Variants in LNX1 observed in about 807,000 individuals in gnomAD.
LNX1 encodes the protein E3 ubiquitin-protein ligase LNX.
Under a neutral mutation model 68.4 loss-of-function variants are expected in LNX1, and 54 were observed. The observed-to-expected ratio is 0.79, with a 90% CI of 0.63 to 0.99. The LOEUF (loss-of-function observed/expected upper bound fraction) is 0.99. LNX1 is among the 50% of genes least tolerant of loss of function. LNX1 has a pLI of 0.00. For synonymous variants in LNX1, 336 were observed against 350.0 expected (o/e 0.96, Z 0.45); for missense variants, 906 against 926.4 (o/e 0.98, Z 0.29).
intron 1 of LNX1, among the ~76,000 whole-genome samples, chr4:53,646,968 G>T (rs1734909927): frequency 1.3e-5 from 2 of 152,226 alleles, no homozygotes; most frequent in African/African-American, 4.8e-5. Context: ...AGCTGTAAAA[G>T]GCAGGAAGTG....
intron 2 of LNX1, among the ~76,000 whole-genome samples, chr4:53,544,940 T>A (rs1560656915): frequency 6.6e-6 from 1 of 152,162 alleles, no homozygotes; most frequent in Non-Finnish European, 1.5e-5. Flanking sequence ...CATAATGCAC[T>A]CGACCAGCAC....
chr4:53,554,762 G>A (rs1240062027), intron 2 of LNX1, among the ~76,000 whole-genome samples: 1 of 151,364 alleles, frequency 6.6e-6, no homozygotes, highest in African/African-American at 2.4e-5. Flanking sequence ...TGAGGCAGGA[G>A]AATCACTTAA....
At chr4:53,636,456 G>T (rs1734483165) in intron 1 of LNX1, among the ~76,000 whole-genome samples, 1 of 152,024 alleles carries the variant, frequency 6.6e-6, no homozygotes, top group Non-Finnish European at 1.5e-5. Flanking sequence ...TTGTCCCTCA[G>T]AGTAGAAAAA....
upstream of LNX1, among the ~76,000 whole-genome samples, chr4:53,618,153 A>G (rs1382024538): frequency 6.6e-6 from 1 of 152,172 alleles, no homozygotes; most frequent in Non-Finnish European, 1.5e-5. Flanking sequence ...TACTTTGCCT[A>G]CCAAATAAAT....
At chr4:53,468,980 C>G (rs867377070) in intron 9 of LNX1, among the ~76,000 whole-genome samples, 1 of 152,152 alleles carries the variant, frequency 6.6e-6, no homozygotes, top group African/African-American at 2.4e-5. Context: ...CAGCTCTGCA[C>G]CAAGCAGACC....
chr4:53,638,020 C>T (rs191301024), intron 1 of LNX1, among the ~76,000 whole-genome samples: 99 of 152,276 alleles, frequency 6.5e-4, no homozygotes, highest in Non-Finnish European at 3.5e-4. Flanking sequence ...ATGGCAGCCA[C>T]GATGGTGGCA....
Position 53,460,742 on chromosome 4 carries a change from C to A in LNX1, c.*165G>T. 1 of 647,630 alleles carries A rather than the reference C, an allele frequency of 1.5e-6. No individual in the cohort carries two copies. The highest frequency in any genetic ancestry group is 2.4e-5 in the South Asian group (1 of 42,444). 40.1% of individuals were successfully genotyped at this position (647,630 alleles called of 1,614,324 possible). ...CTAGTAGTTTTAATTTTTTTGGAAT[C>A]ATATTTTCTGAGGTGTAACTGGCTT... On this transcript the variant is annotated 3_prime_UTR_variant, in exon 11 of 11. Transcript: ENST00000263925.
Position 53,557,250 on chromosome 4 carries a change from A to T in LNX1, c.380+16373T>A, listed in dbSNP as rs746312215. On this transcript the variant is annotated intron_variant, in intron 2 of 10. Coordinates refer to ENST00000263925, the MANE Select transcript of LNX1 (RefSeq NM_001126328.3). ...GGGGTGATATGTCATGATGGCTACAATTTGCTCCAGACCATTGCAGCAAGA... is the reference window on the plus strand; with the variant it reads ...GGGGTGATATGTCATGATGGCTACATTTTGCTCCAGACCATTGCAGCAAGA... Among the ~76,000 whole-genome samples, 8 of 152,324 alleles carry T rather than the reference A, an allele frequency of 5.3e-5. No homozygotes were observed. The South Asian group carries it at 8.3e-4, about 16-fold the overall frequency.
At chr4:53,589,288 C>T (rs1179006037) in intron 1 of LNX1, among the ~76,000 whole-genome samples, 16 of 152,204 alleles carry the variant, frequency 1.1e-4, no homozygotes, top group African/African-American at 2.4e-4. Flanking sequence ...GTGAGGCTAG[C>T]GGAGACAAAT....
intron 9 of LNX1, among the ~76,000 whole-genome samples, chr4:53,467,365 G>A (rs1319585685): frequency 6.6e-6 from 1 of 151,992 alleles, no homozygotes; most frequent in African/African-American, 2.4e-5. Context: ...AAAGACCAAA[G>A]GTAGATAAAA....
At chr4:53,625,953 A>G (rs1037956199) in intron 1 of LNX1, among the ~76,000 whole-genome samples, 12 of 152,260 alleles carry the variant, frequency 7.9e-5, no homozygotes, top group African/African-American at 2.4e-4. Flanking sequence ...TCATAGCAAC[A>G]TTCTTCACAA....
intron 9 of LNX1, among the ~76,000 whole-genome samples, chr4:53,472,782 T>C (rs1259155752): frequency 2.1e-5 from 3 of 145,290 alleles, no homozygotes; most frequent in African/African-American, 2.5e-5. Flanking sequence ...AAAGCAGATA[T>C]AGAGGCCAAG....
intron 2 of LNX1, among the ~76,000 whole-genome samples, chr4:53,613,346 AT>A (rs201327120): frequency 0.23 from 33,841 of 148,578 alleles, 4,069 homozygotes; most frequent in Admixed American, 0.31. Context: ...CTTTCCAGGA[AT>A]TTTTTTTTTT....
At chr4:53,557,922 G>A (rs1443142510) in intron 2 of LNX1, 1 of 1,613,470 alleles carries the variant, frequency 6.2e-7, no homozygotes, top group East Asian at 2.2e-5. Flanking sequence ...AATGTAGTTA[G>A]CAGGACTGAG....
rs780688989 is a variant in LNX1 at position 53,574,038 on chromosome 4, CA to C, written c.-37del. The C allele has an allele frequency of 2.5e-5, 40 of 1,571,412 alleles. No individual in the cohort carries two copies. The Admixed American group carries it at 7.1e-4, about 28-fold the overall frequency. ...AGAGCAGTATAACAGGAAACTCAGTCACACAATATTTCCTCAGGAGCAAGTC... is the reference window on the plus strand; with the variant it reads ...AGAGCAGTATAACAGGAAACTCAGTCCACAATATTTCCTCAGGAGCAAGTC... On this transcript the variant is annotated 5_prime_UTR_variant, in exon 2 of 11. Coordinates refer to ENST00000263925, the MANE Select transcript of LNX1 (RefSeq NM_001126328.3).
At chr4:53,537,800 G>A (rs1376415526) in intron 2 of LNX1, among the ~76,000 whole-genome samples, 1 of 152,194 alleles carries the variant, frequency 6.6e-6, no homozygotes, top group Non-Finnish European at 1.5e-5. Context: ...CTTTGTCACT[G>A]ACAACAAAGG....
intron 9 of LNX1, among the ~76,000 whole-genome samples, chr4:53,471,243 C>T (rs374696140): frequency 2.0e-5 from 3 of 151,604 alleles, no homozygotes; most frequent in Non-Finnish European, 2.9e-5. Flanking sequence ...AATGGGGAAA[C>T]GATTCCCTAT....
At chr4:53,540,547 T>G (rs1312029565) in intron 2 of LNX1, among the ~76,000 whole-genome samples, 8 of 151,172 alleles carry the variant, frequency 5.3e-5, no homozygotes, top group African/African-American at 1.9e-4. Context: ...CTGGGCATGG[T>G]GGTGGGTGCC....
intron 2 of LNX1, among the ~76,000 whole-genome samples, chr4:53,546,547 A>G (rs1180812443): frequency 1.3e-5 from 2 of 152,354 alleles, no homozygotes; most frequent in South Asian, 4.1e-4. Flanking sequence ...TAACTTGTTC[A>G]AGGTCACATA....
Sources: allele counts gnomAD v4.1 joint callset (sites outside exome capture counted in the v4.1 genomes callset), GRCh38; gene constraint gnomAD v4.1.1; transcripts MANE v1.5; gene names NCBI Gene and HGNC (gene_info 2026-07-23, HGNC 2026-07-21).